The following ZFYVE26 variants were observed in gnomAD, a reference collection of about 807,000 sequenced individuals.
The protein encoded by ZFYVE26 is zinc finger FYVE domain-containing protein 26.
ZFYVE26 carries 181 observed loss-of-function variants against 276.5 expected under a neutral mutation model. The ratio of observed to expected loss-of-function variants is 0.65; its 90% CI spans 0.58 to 0.74. The LOEUF is 0.74. Among genes scored for constraint, ZFYVE26 ranks in the 30% least tolerant of loss-of-function variants. The pLI is 0.00. For synonymous variants in ZFYVE26, 1,129 were observed against 1,203.1 expected (o/e 0.94, Z 1.27); for missense variants, 2,821 against 3,097.9 (o/e 0.91, Z 2.12).
chr14:67,786,347 A>G, intron 16 of ZFYVE26, 114 bp from the exon 17 acceptor site: 1 of 1,320,550 alleles, frequency 7.6e-7, no homozygotes, highest in Non-Finnish European at 1.0e-6. Flanking sequence ...AATATTAAGG[A>G]GGAAATACAT....
intron 3 of ZFYVE26, 138 bp from the exon 4 acceptor site, chr14:67,809,427 T>TA (rs1410102384): frequency 9.5e-6 from 6 of 631,464 alleles, no homozygotes; most frequent in Non-Finnish European, 1.5e-5. Context: ...TTTTTTTTTT[T>TA]TTTTTTTTAT....
At chr14:67,794,340 A>G (rs890768989) in intron 12 of ZFYVE26, 101 bp from the exon 13 acceptor site, 2 of 1,150,722 alleles carry the variant, frequency 1.7e-6, no homozygotes, top group Admixed American at 1.7e-5. Context: ...AGTTAGAGAC[A>G]GAGGATAATG....
chr14:67,804,749 A>G (rs892189353), intron 8 of ZFYVE26, among the ~76,000 whole-genome samples: 1 of 152,248 alleles, frequency 6.6e-6, no homozygotes, highest in African/African-American at 2.4e-5. Flanking sequence ...TTTGTTGAAT[A>G]AAAGTGTGAT....
At chr14:67,729,235 T>C (rs1461242071) in exon 14 of ZFYVE26, 3 of 1,610,898 alleles carry the variant, frequency 1.9e-6, no homozygotes, top group Non-Finnish European at 2.5e-6. Flanking sequence ...CGTCGTCCGC[T>C]CTGAGCTGGT....
chr14:67,783,570 G>C, intron 20 of ZFYVE26, 45 bp from the exon 21 acceptor site: 1 of 1,604,728 alleles, frequency 6.2e-7, no homozygotes, highest in Non-Finnish European at 8.5e-7. Flanking sequence ...GAATACACAG[G>C]CACCATTAAC....
At chr14:67,793,975 C>G (rs1183543418) in intron 13 of ZFYVE26, among the ~76,000 whole-genome samples, 196 bp downstream of exon 13, 1 of 152,138 alleles carries the variant, frequency 6.6e-6, no homozygotes, top group African/African-American at 2.4e-5. Flanking sequence ...GGGTATTTAC[C>G]TCTATTTCTC....
intron 40 of ZFYVE26, 106 bp downstream of exon 40, chr14:67,752,238 G>T (rs2038665743): frequency 7.2e-7 from 1 of 1,384,778 alleles, no homozygotes; most frequent in Admixed American, 2.0e-5. Flanking sequence ...ATGATAAAAG[G>T]ATCTTGTAGA....
intron 29 of ZFYVE26, among the ~76,000 whole-genome samples, chr14:67,768,959 G>A: frequency 6.6e-6 from 1 of 152,188 alleles, no homozygotes; most frequent in African/African-American, 2.4e-5. Flanking sequence ...AACTGGTTTT[G>A]GATGGTTGCT....
In ZFYVE26 at chr14:67,778,490, G is replaced by T. The variant is rs117794567; in HGVS notation, c.4675-242C>A. 4.6e-5 allele frequency among the ~76,000 whole-genome samples: 7 copies of T among 152,298 alleles called. No homozygotes were observed. In the East Asian group the frequency reaches 1.2e-3, roughly 25 times the overall value. Reference sequence around the variant, plus strand: ...ACCCTGGGAAGATTCTAAGGAAGTGGGAAAGACTGAAAAGACTGTTTAAAG... The same window carrying T: ...ACCCTGGGAAGATTCTAAGGAAGTGTGAAAGACTGAAAAGACTGTTTAAAG... On this transcript the variant is annotated intron_variant, in intron 23 of 41. Transcript: ENST00000347230.
At chr14:67,799,565 A>C in intron 10 of ZFYVE26, 3 of 1,528,968 alleles carry the variant, frequency 2.0e-6, no homozygotes, top group Non-Finnish European at 9.1e-7. Context: ...CAAGTCTTCC[A>C]AAGGAGGAGG....
In ZFYVE26 at chr14:67,804,195, A is replaced by G. The variant is rs2140248619; in HGVS notation, c.1341T>C (p.Thr447=). Residue 447 remains threonine (T), a synonymous_variant, in exon 9 of 42, where the codon ACT becomes ACC. Coordinates refer to ENST00000347230, the MANE Select transcript of ZFYVE26 (RefSeq NM_015346.4). The part of the protein sequence containing the change: ...HGGDSHSVLY[T]LHHLTNLPAL... ...CTGGAAGGTTTGTAAGGTGATGGAG[A>G]GTGTAGAGCACTGAGTGGCTGTCTC... 4 of 1,614,154 alleles carry G rather than the reference A, an allele frequency of 2.5e-6. No homozygotes were observed. Among genetic ancestry groups the G allele is most frequent in the Admixed American group, 1.7e-5 (1 of 60,016 alleles).
At chr14:67,757,226 A>G (rs1381170018) in intron 35 of ZFYVE26, among the ~76,000 whole-genome samples, 1 of 152,160 alleles carries the variant, frequency 6.6e-6, no homozygotes, top group African/African-American at 2.4e-5. Context: ...AACGCCCACA[A>G]ATGAGCCCAA....
Position 67,753,753 on chromosome 14 carries a change from C to T in ZFYVE26, c.7142G>A (p.Gly2381Glu). 2 of 1,613,456 alleles carry T rather than the reference C, an allele frequency of 1.2e-6. No individual in the cohort carries two copies. Among genetic ancestry groups the T allele is most frequent in the Non-Finnish European group, 1.7e-6 (2 of 1,179,794 alleles). Residue 2381 changes from glycine (G) to glutamate (E), a missense_variant, in exon 39 of 42, where the codon GGG (glycine) becomes GAG (glutamate). Transcript: ENST00000347230. ...MDVACKVMLG[G>E]KNVEDGFGIA... ...TCCAAAACCATCTTCTACATTTTTCCCTCCCAGCATGACCTGAAAAGGAAA... is the reference window on the plus strand; with the variant it reads ...TCCAAAACCATCTTCTACATTTTTCTCTCCCAGCATGACCTGAAAAGGAAA...
Position 67,748,130 on chromosome 14 carries a change from G to A in ZFYVE26, c.*306C>T, listed in dbSNP as rs185725178. The A allele has an allele frequency of 7.4e-5, 30 of 405,670 alleles. No homozygotes were observed. The East Asian group carries it at 9.9e-4, about 13-fold the overall frequency. 25.1% of individuals were successfully genotyped at this position (405,670 alleles called of 1,614,324 possible). A position where few individuals can be genotyped will look rare whatever the true frequency, so the allele number is the denominator to read the frequency against. On this transcript the variant is annotated 3_prime_UTR_variant, in exon 42 of 42. Transcript: ENST00000347230. Reference sequence around the variant, plus strand: ...TTCATTTGTTCAGAAATGCTTGGGCGTAAACATCAGCGCACAGGAACATGC... The same window carrying A: ...TTCATTTGTTCAGAAATGCTTGGGCATAAACATCAGCGCACAGGAACATGC...
chr14:67,752,970 G>A (rs1054107888), intron 39 of ZFYVE26, among the ~76,000 whole-genome samples: 1 of 152,134 alleles, frequency 6.6e-6, no homozygotes, highest in Non-Finnish European at 1.5e-5. Flanking sequence ...CCTTAAACCT[G>A]GTCTAGGAGA....
chr14:67,780,382 C>T, intron 22 of ZFYVE26, 37 bp from the exon 23 acceptor site: 4 of 1,560,862 alleles, frequency 2.6e-6, no homozygotes, highest in Non-Finnish European at 3.5e-6. Flanking sequence ...AACCACACTG[C>T]AGCTTCTCCC....
intron 6 of ZFYVE26, among the ~76,000 whole-genome samples, chr14:67,805,949 C>T (rs2040171783): frequency 6.6e-6 from 1 of 152,196 alleles, no homozygotes; most frequent in Admixed American, 6.5e-5. Context: ...ATCGCTTGAA[C>T]CCAGGAGGCA....
chr14:67,784,566 T>G, intron 19 of ZFYVE26, 130 bp from the exon 20 acceptor site: 1 of 818,666 alleles, frequency 1.2e-6, no homozygotes, highest in East Asian at 2.5e-5. Context: ...TGTTAATTCA[T>G]TCTAGGTAAA....
intron 3 of ZFYVE26, among the ~76,000 whole-genome samples, chr14:67,809,507 C>G (rs1245912065): frequency 2.7e-5 from 4 of 150,106 alleles, no homozygotes; most frequent in Non-Finnish European, 5.9e-5. Context: ...ACCGCAACCT[C>G]CACCTCCCAG....
Sources: allele counts gnomAD v4.1 joint callset (sites outside exome capture counted in the v4.1 genomes callset), GRCh38; gene constraint gnomAD v4.1.1; transcripts MANE v1.5; gene names NCBI Gene and HGNC (gene_info 2026-07-23, HGNC 2026-07-21).